The following TLN2 variants were observed in gnomAD, a reference collection of about 807,000 sequenced individuals.
TLN2 encodes talin 2, also known as talin-2.
TLN2 carries 118 observed loss-of-function variants against 294.7 expected under a neutral mutation model. The observed-to-expected ratio is 0.40, with a 90% confidence interval of 0.34 to 0.47. The LOEUF (loss-of-function observed/expected upper bound fraction) is 0.47. Ranked by LOEUF, TLN2 falls within the 20% of genes least tolerant of loss-of-function variation. The pLI is 0.84. For synonymous variants in TLN2, 1,431 were observed against 1,304.5 expected (o/e 1.10, Z -2.09); for missense variants, 3,083 against 3,282.2 (o/e 0.94, Z 1.48).
At chr15:62,616,460 G>A (rs1219745180) in intron 2 of TLN2, among the ~76,000 whole-genome samples, 2 of 152,056 alleles carry the variant, frequency 1.3e-5, no homozygotes, top group African/African-American at 4.8e-5. Flanking sequence ...ACAGGGTCTT[G>A]CCCTGTCACC....
chr15:62,797,345 C>A lies in TLN2; in HGVS notation c.6177C>A (p.Leu2059=). Reference sequence around the variant, plus strand: ...CCTCAGCAGCCACCATCACCCAGCTCGCAGAAGTGGTCAAGCTGGGGGCAG... The same window carrying A: ...CCTCAGCAGCCACCATCACCCAGCTAGCAGAAGTGGTCAAGCTGGGGGCAG... ...AQSSAATITQ[L]AEVVKLGAAS... Residue 2059 remains leucine, a synonymous_variant, in exon 48 of 59, where the codon CTC becomes CTA. Coordinates refer to ENST00000636159, the MANE Select transcript of TLN2 (RefSeq NM_015059.3). 6.2e-7 allele frequency: 1 copy of A among 1,613,432 alleles called. No homozygotes were observed. Among genetic ancestry groups the A allele is most frequent in the Non-Finnish European group, 8.5e-7 (1 of 1,179,944 alleles).
chr15:62,445,316 C>T (rs1407125491), intron 1 of TLN2, among the ~76,000 whole-genome samples: 1 of 152,148 alleles, frequency 6.6e-6, no homozygotes, highest in Non-Finnish European at 1.5e-5. Flanking sequence ...ATAACAACTC[C>T]CTTTCTCCTG....
At chr15:62,686,115 G>T (rs184156021) in intron 11 of TLN2, among the ~76,000 whole-genome samples, 1 of 152,098 alleles carries the variant, frequency 6.6e-6, no homozygotes, top group Admixed American at 6.5e-5. Flanking sequence ...TAAGTTTTAA[G>T]AATCAGTAGA....
chr15:62,657,120 G>A (rs1482341220), intron 8 of TLN2, among the ~76,000 whole-genome samples: 1 of 145,804 alleles, frequency 6.9e-6, no homozygotes, highest in Non-Finnish European at 1.5e-5. Flanking sequence ...GGGTGATCTG[G>A]GGGTCATTTA....
intron 3 of TLN2, among the ~76,000 whole-genome samples, chr15:62,626,234 A>G (rs1054537006): frequency 1.3e-5 from 2 of 152,116 alleles, no homozygotes; most frequent in Non-Finnish European, 2.9e-5. Context: ...TCTATCTTGT[A>G]TTTTCTGGAG....
At chr15:62,538,929 A>G (rs960573242) in intron 1 of TLN2, among the ~76,000 whole-genome samples, 1 of 152,230 alleles carries the variant, frequency 6.6e-6, no homozygotes. Context: ...ACCATAATAA[A>G]ACATCTCTGT....
chr15:62,776,193 G>A (rs897072768), intron 42 of TLN2, among the ~76,000 whole-genome samples: 5 of 152,076 alleles, frequency 3.3e-5, no homozygotes, highest in African/African-American at 4.8e-5. Flanking sequence ...TATGGTCTAA[G>A]GAATGCATGG....
In TLN2 at chr15:62,719,859, C is replaced by T. The variant is rs751484541; in HGVS notation, c.2970C>T (p.Ile990=). Residue 990 remains isoleucine, a synonymous_variant, in exon 25 of 59, where the codon ATC becomes ATT. Coordinates refer to ENST00000636159, the MANE Select transcript of TLN2 (RefSeq NM_015059.3). ...TGAGTGCCCAGCTGGCTCTCATCAT[C>T]TCCAGCCAGAACTTCCTCCAGGTAA... ...EDLSAQLALI[I]SSQNFLQPGS... 6.8e-6 allele frequency: 11 copies of T among 1,611,006 alleles called. 1 individual carries two copies. In the South Asian group the frequency reaches 1.2e-4, roughly 18 times the overall value.
Position 62,838,985 on chromosome 15 carries a change from T to C in TLN2, c.7500+4T>C. The C allele has an allele frequency of 1.2e-6, 2 of 1,613,946 alleles. No homozygotes were observed. Among genetic ancestry groups the C allele is most frequent in the Non-Finnish European group, 8.5e-7 (1 of 1,179,908 alleles). On this transcript the variant is annotated splice_donor_region_variant and intron_variant, in intron 58 of 58. Coordinates refer to ENST00000636159, the MANE Select transcript of TLN2 (RefSeq NM_015059.3). Reference sequence around the variant, plus strand: ...GTTTGTGGGGGGCATTGCTCAGGTTTGTAATTAAATCAAGAATAGTATTTA... The same window carrying C: ...GTTTGTGGGGGGCATTGCTCAGGTTCGTAATTAAATCAAGAATAGTATTTA...
intron 3 of TLN2, among the ~76,000 whole-genome samples, chr15:62,626,690 G>A (rs2049313402): frequency 6.6e-6 from 1 of 152,308 alleles, no homozygotes. Context: ...GTTCACAAAG[G>A]AGGAACGTGA....
At chr15:62,809,207 A>G (rs550817847) in intron 51 of TLN2, among the ~76,000 whole-genome samples, 50 of 152,260 alleles carry the variant, frequency 3.3e-4, no homozygotes, top group African/African-American at 1.2e-3. Flanking sequence ...AACTGGGTGC[A>G]TTTTATCTGG....
At chr15:62,437,146 C>A (rs1483033233) in intron 1 of TLN2, among the ~76,000 whole-genome samples, 1 of 152,202 alleles carries the variant, frequency 6.6e-6, no homozygotes, top group Non-Finnish European at 1.5e-5. Flanking sequence ...AGTTTTGTTT[C>A]ATCTCTCATT....
At chr15:62,579,684 A>G (rs569778560) in intron 1 of TLN2, among the ~76,000 whole-genome samples, 1 of 152,234 alleles carries the variant, frequency 6.6e-6, no homozygotes, top group East Asian at 1.9e-4. Flanking sequence ...TCTCCTAGCT[A>G]CAGACCCGAG....
In TLN2 at chr15:62,755,527, TG is replaced by T; in HGVS notation, c.4477-4del. Reference sequence around the variant, plus strand: ...GTACCCCCAACCTAGCTCCATGCTTTGTAGGTCCTGTCAGCCGCCACAATTG... The same window carrying T: ...GTACCCCCAACCTAGCTCCATGCTTTTAGGTCCTGTCAGCCGCCACAATTG... On this transcript the variant is annotated splice_polypyrimidine_tract_variant and splice_region_variant and intron_variant, in intron 36 of 58. Coordinates refer to ENST00000636159, the MANE Select transcript of TLN2 (RefSeq NM_015059.3). 1 of 1,614,038 alleles carries T rather than the reference TG, an allele frequency of 6.2e-7. No individual in the cohort carries two copies. Among genetic ancestry groups the T allele is most frequent in the South Asian group, 1.1e-5 (1 of 91,046 alleles).
chr15:62,752,144 G>C (rs139795462), intron 34 of TLN2, among the ~76,000 whole-genome samples, 161 bp from the exon 35 acceptor site: 1 of 152,336 alleles, frequency 6.6e-6, no homozygotes, highest in African/African-American at 2.4e-5. Context: ...GAATGGAAAT[G>C]ATGTAATTTT....
intron 27 of TLN2, among the ~76,000 whole-genome samples, chr15:62,726,001 C>A (rs1158765053): frequency 6.6e-6 from 1 of 152,124 alleles, no homozygotes; most frequent in Non-Finnish European, 1.5e-5. Flanking sequence ...GAAACTCAGG[C>A]TCAGAGAGGT....
At chr15:62,400,262 A>G (rs2032924865) in intron 1 of TLN2, among the ~76,000 whole-genome samples, 1 of 152,234 alleles carries the variant, frequency 6.6e-6, no homozygotes, top group African/African-American at 2.4e-5. Context: ...GTGACTCAAT[A>G]TACCTGTTTC....
At chr15:62,395,133 G>T (rs1461191846) in intron 1 of TLN2, among the ~76,000 whole-genome samples, 2 of 149,018 alleles carry the variant, frequency 1.3e-5, no homozygotes, top group Non-Finnish European at 3.0e-5. Context: ...ACTTTATGCT[G>T]AGAAGACATC....
At chr15:62,447,415 G>A (rs1341718790) in intron 1 of TLN2, among the ~76,000 whole-genome samples, 1 of 152,060 alleles carries the variant, frequency 6.6e-6, no homozygotes, top group Non-Finnish European at 1.5e-5. Flanking sequence ...ATGGAATGGA[G>A]TGGTGGATGC....
Sources: gnomAD v4.1 joint callset for allele counts (sites outside exome capture counted in the v4.1 genomes callset) on GRCh38, gnomAD v4.1.1 for gene constraint, MANE v1.5 for transcripts, NCBI Gene and HGNC (gene_info 2026-07-23, HGNC 2026-07-21) for gene names.